The following BEGAIN variants were observed in gnomAD, a reference collection of about 807,000 sequenced individuals.
BEGAIN encodes the protein brain-enriched guanylate kinase-associated protein.
In BEGAIN, 19 loss-of-function variants were observed where a neutral mutation model predicts 35.8. The observed-to-expected ratio is 0.53, with a 90% confidence interval of 0.37 to 0.78. The LOEUF (loss-of-function observed/expected upper bound fraction) is 0.78, where lower values mean the gene tolerates loss of function less well. Among genes scored for constraint, BEGAIN ranks in the 30% least tolerant of loss-of-function variants. The pLI, the probability that BEGAIN is intolerant of heterozygous loss-of-function variation, is 0.00. For missense variants in BEGAIN, 795 were observed against 853.6 expected (o/e 0.93, Z 0.85); for synonymous variants, 462 against 388.6 (o/e 1.19, Z -2.22).
chr14:100,542,040 C>G (rs2031705695), intron 5 of BEGAIN, among the ~76,000 whole-genome samples: 1 of 152,226 alleles, frequency 6.6e-6, no homozygotes, highest in African/African-American at 2.4e-5. Context: ...GTGCACCAAC[C>G]CTGCAGAGAG....
rs1028291784 is a variant in BEGAIN, at chr14:100,586,403, G to A, written c.42+846C>T. On this transcript the variant is annotated intron_variant, in intron 1 of 6. Coordinates refer to ENST00000554140, the MANE Select transcript of BEGAIN (RefSeq NM_001385089.1). The surrounding 1 kb of genome is among the most constrained non-coding windows in gnomAD (Gnocchi z 4.9). ...CACGTGCAGTGCTCCCTATCCATCCGGCCCCGCTCCCGGGTGCCCACTCTG... is the reference window on the plus strand; with the variant it reads ...CACGTGCAGTGCTCCCTATCCATCCAGCCCCGCTCCCGGGTGCCCACTCTG... 2.6e-5 allele frequency among the ~76,000 whole-genome samples: 4 copies of A among 152,284 alleles called. No homozygotes were observed. In the East Asian group the frequency reaches 5.8e-4, roughly 22 times the overall value.
Position 100,567,806 on chromosome 14 carries a change from C to T in BEGAIN, c.71+105G>A. The T allele has an allele frequency of 2.4e-6, 3 of 1,233,924 alleles. No individual in the cohort carries two copies. Among genetic ancestry groups the T allele is most frequent in the Non-Finnish European group, 3.2e-6 (3 of 932,164 alleles). The allele number at this position is 1,233,924 out of a possible 1,614,324, so 76.4% of individuals were successfully genotyped here. On this transcript the variant is annotated intron_variant, in intron 2 of 6. Coordinates refer to ENST00000554140, the MANE Select transcript of BEGAIN (RefSeq NM_001385089.1). The surrounding 1 kb of genome is among the most constrained non-coding windows in gnomAD (Gnocchi z 5.1). ...CAGCCCCGCCGAGGCCGCCCGCGGG[C>T]CCTGGGGGATGCGCTCGGGTGGAGC...
intron 2 of BEGAIN, chr14:100,546,930 C>A: frequency 2.9e-6 from 1 of 344,278 alleles, no homozygotes; most frequent in Non-Finnish European, 5.3e-6. Flanking sequence ...GTGTCCCTCA[C>A]ACAGGTAAAT....
chr14:100,560,137 C>T (rs975638821), intron 2 of BEGAIN, among the ~76,000 whole-genome samples: 5 of 152,178 alleles, frequency 3.3e-5, no homozygotes, highest in Admixed American at 2.0e-4. Context: ...TCTGCTCTGC[C>T]ACAGGCCACT....
chr14:100,540,390 T>A, intron 6 of BEGAIN, 106 bp downstream of exon 6: 1 of 872,470 alleles, frequency 1.1e-6, no homozygotes, highest in South Asian at 1.5e-5. Flanking sequence ...CAGGCTCAGC[T>A]GGCATCTTCC....
chr14:100,567,886 G>A lies in BEGAIN; in HGVS notation c.71+25C>T, dbSNP rs1236830554. ...ACCCCCGACCCGGCCCCCGCGAGCC[G>A]CGGCACGGGAGACGCTCCACTCACC... On this transcript the variant is annotated intron_variant, in intron 2 of 6. Coordinates refer to ENST00000554140, the MANE Select transcript of BEGAIN (RefSeq NM_001385089.1). The surrounding 1 kb of genome is among the most constrained non-coding windows in gnomAD (Gnocchi z 5.1). 6.9e-7 allele frequency: 1 copy of A among 1,445,286 alleles called. No individual in the cohort carries two copies. The highest frequency in any genetic ancestry group is 1.3e-5 in the South Asian group (1 of 79,216). 89.5% of individuals were successfully genotyped at this position (1,445,286 alleles called of 1,614,324 possible). A position where few individuals can be genotyped will look rare whatever the true frequency, so the allele number is the denominator to read the frequency against.
chr14:100,563,607 C>G lies in BEGAIN; in HGVS notation c.71+4304G>C, dbSNP rs1670862300. ...AGCAAACCAGGGCAGCCCACCCCAA[C>G]AACGCTGGAGGGACAGTGATGGGGA... On this transcript the variant is annotated intron_variant, in intron 2 of 6. Coordinates refer to ENST00000554140, the MANE Select transcript of BEGAIN (RefSeq NM_001385089.1). The surrounding 1 kb of genome is among the most constrained non-coding windows in gnomAD (Gnocchi z 4.2). Among the ~76,000 whole-genome samples, 2 of 152,236 alleles carry G rather than the reference C, an allele frequency of 1.3e-5. No homozygotes were observed. Among genetic ancestry groups the G allele is most frequent in the Non-Finnish European group, 2.9e-5 (2 of 68,044 alleles).
chr14:100,552,054 T>C (rs1180538340), intron 2 of BEGAIN, among the ~76,000 whole-genome samples: 2 of 152,062 alleles, frequency 1.3e-5, no homozygotes, highest in African/African-American at 2.4e-5. Context: ...AGGCCAGCGA[T>C]TCCCATGGGC....
At chr14:100,560,207 G>T (rs1046842414) in intron 2 of BEGAIN, among the ~76,000 whole-genome samples, 2 of 152,204 alleles carry the variant, frequency 1.3e-5, no homozygotes, top group Non-Finnish European at 2.9e-5. Flanking sequence ...GGAGGAATGG[G>T]GGCAGAAGCC....
chr14:100,568,076 C>T lies in BEGAIN; in HGVS notation c.43-137G>A. On this transcript the variant is annotated intron_variant, in intron 1 of 6. Transcript: ENST00000554140. The surrounding 1 kb of genome is among the most constrained non-coding windows in gnomAD (Gnocchi z 7.5). ...CGTGGGAAGCCCGGCGCCGCGCGTC[C>T]CCAGCTTCCAGTCCCGGCCGCGGCC... The T allele has an allele frequency of 9.2e-7, 1 of 1,083,428 alleles. No individual in the cohort carries two copies. 67.1% of individuals were successfully genotyped at this position (1,083,428 alleles called of 1,614,324 possible).
intron 1 of BEGAIN, among the ~76,000 whole-genome samples, chr14:100,574,383 C>G (rs2035157254): frequency 1.3e-5 from 2 of 152,220 alleles, no homozygotes; most frequent in Admixed American, 1.3e-4. Flanking sequence ...TGTCTAGGCT[C>G]TGTGTGACTT....
In BEGAIN at chr14:100,573,182, G is replaced by T. The variant is rs912626464; in HGVS notation, c.43-5243C>A. 4.1e-5 allele frequency among the ~76,000 whole-genome samples: 6 copies of T among 146,316 alleles called. No individual in the cohort carries two copies. The highest frequency in any genetic ancestry group is 1.6e-4 in the African/African-American group (6 of 38,564). On this transcript the variant is annotated intron_variant, in intron 1 of 6. Coordinates refer to ENST00000554140, the MANE Select transcript of BEGAIN (RefSeq NM_001385089.1). This position sits in a 1 kb window ranked among gnomAD's most constrained non-coding sequence, Gnocchi z 4.2. ...ACTGGAGGAGGGAGCAGGTGAGTCT[G>T]GGGGGAGGGGCTTCCGGAGGAGGGG... is the stretch of plus-strand genomic sequence containing the variant.
In BEGAIN at chr14:100,587,383, G is replaced by C. The variant is rs1398724763; in HGVS notation, c.-93C>G. The C allele has an allele frequency of 3.4e-5, 5 of 145,700 alleles. No individual in the cohort carries two copies. The highest frequency in any genetic ancestry group is 7.7e-5 in the Non-Finnish European group (5 of 65,284). The allele number at this position is 145,700 out of a possible 1,614,324, so 9.0% of individuals were successfully genotyped here. ...GCGCGCCGGGAGCCGGCGCGGCCGG[G>C]GCTCCCCCACCCCGCCCGGCTTCCC... On this transcript the variant is annotated 5_prime_UTR_variant, in exon 1 of 7. Transcript: ENST00000554140.
At position 100,586,195 on chromosome 14, in the gene BEGAIN, C is replaced by T. The variant is rs538591744; in HGVS notation, c.42+1054G>A. Among the ~76,000 whole-genome samples the T allele has an allele frequency of 2.6e-5, 4 of 152,298 alleles. No individual in the cohort carries two copies. The East Asian group carries it at 7.8e-4, about 30-fold the overall frequency. On this transcript the variant is annotated intron_variant, in intron 1 of 6. Coordinates refer to ENST00000554140, the MANE Select transcript of BEGAIN (RefSeq NM_001385089.1). The surrounding 1 kb of genome is among the most constrained non-coding windows in gnomAD (Gnocchi z 4.9). Reference sequence around the variant, plus strand: ...GCCCTGGGAGTAGTGGGGGTCTCTGCTGCTCTTGGCAGGCAGAGGAACTAG... The same window carrying T: ...GCCCTGGGAGTAGTGGGGGTCTCTGTTGCTCTTGGCAGGCAGAGGAACTAG...
rs939436214 is a variant in BEGAIN at position 100,572,585 on chromosome 14, G to A, written c.43-4646C>T. ...GAATCTTGTTGCCCTTACCCCTCCT[G>A]GAGGGGAGGAAATGAGCCTAACATG... On this transcript the variant is annotated intron_variant, in intron 1 of 6. Transcript: ENST00000554140. 3.3e-5 allele frequency among the ~76,000 whole-genome samples: 5 copies of A among 152,286 alleles called. No individual in the cohort carries two copies. The Middle Eastern group carries it at 0.014, about 414-fold the overall frequency.
At chr14:100,546,753 C>T (rs2140525964) in intron 2 of BEGAIN, 91 bp from the exon 3 acceptor site, 1 of 1,300,812 alleles carries the variant, frequency 7.7e-7, no homozygotes, top group South Asian at 1.6e-5. Flanking sequence ...CGCACTAACA[C>T]GCGAGTACCG....
intron 1 of BEGAIN, among the ~76,000 whole-genome samples, chr14:100,585,151 C>T (rs2035406549): frequency 6.6e-6 from 1 of 152,062 alleles, no homozygotes; most frequent in African/African-American, 2.4e-5. Context: ...GATTTGTGGA[C>T]TGTGTCCAAT....
At chr14:100,572,324 G>A (rs1264484119) in intron 1 of BEGAIN, among the ~76,000 whole-genome samples, 2 of 152,188 alleles carry the variant, frequency 1.3e-5, no homozygotes, top group East Asian at 1.9e-4. Context: ...CCCTAAATCC[G>A]GCTGATTTCT....
intron 2 of BEGAIN, among the ~76,000 whole-genome samples, chr14:100,565,534 G>C (rs1462370564): frequency 1.3e-5 from 2 of 152,130 alleles, no homozygotes; most frequent in African/African-American, 2.4e-5. Flanking sequence ...AGGCCCTGGG[G>C]GGTGTGGGAG....
Sources: allele counts gnomAD v4.1 joint callset (sites outside exome capture counted in the v4.1 genomes callset), GRCh38; gene constraint gnomAD v4.1.1; non-coding constraint Gnocchi (gnomAD v3.1); transcripts MANE v1.5; gene names NCBI Gene and HGNC (gene_info 2026-07-23, HGNC 2026-07-21).